The following DLX5 variants were observed in gnomAD, a reference collection of about 807,000 sequenced individuals.
DLX5 encodes distal-less homeobox 5, also known as homeobox protein DLX-5.
A neutral mutation model predicts 27.1 loss-of-function variants in DLX5; 8 were observed. That is an observed-to-expected ratio of 0.30 (90% CI 0.17 to 0.53). DLX5 has a LOEUF of 0.53. Ranked by LOEUF, DLX5 falls within the 20% of genes least tolerant of loss-of-function variation. The pLI is 0.95. For synonymous variants in DLX5, 178 were observed against 161.9 expected (o/e 1.10, Z -0.75); for missense variants, 339 against 375.1 (o/e 0.90, Z 0.80).
rs1286834642 is a variant in DLX5 at position 97,024,634 on chromosome 7, C to A, written c.-11G>T. ...AAACACTCCTGTCATCGCTCACGGG[C>A]GGCGGCAGCGGCTGTCCTTGCTGTT... On this transcript the variant is annotated 5_prime_UTR_variant, in exon 1 of 3. Transcript: ENST00000648378. The surrounding 1 kb of genome is among the most constrained non-coding windows in gnomAD (Gnocchi z 4.6). The A allele has an allele frequency of 6.4e-7, 1 of 1,574,314 alleles. No individual in the cohort carries two copies. The highest frequency in any genetic ancestry group is 8.6e-7 in the Non-Finnish European group (1 of 1,157,634).
rs1790131685 is a variant in DLX5 at position 97,024,024 on chromosome 7, A to T, written c.355+245T>A. 6.6e-6 allele frequency among the ~76,000 whole-genome samples: 1 copy of T among 152,174 alleles called. No homozygotes were observed. Among genetic ancestry groups the T allele is most frequent in the Non-Finnish European group, 1.5e-5 (1 of 68,040 alleles). ...GGGCAAGCTGGGAATTCAGCGACTG[A>T]AGGGCCTTGGAAGGTGCCGGAGGGG... is the stretch of plus-strand genomic sequence containing the variant. On this transcript the variant is annotated intron_variant, in intron 1 of 2. Coordinates refer to ENST00000648378, the MANE Select transcript of DLX5 (RefSeq NM_005221.6). The surrounding 1 kb of genome is among the most constrained non-coding windows in gnomAD (Gnocchi z 4.6).
intron 2 of DLX5, among the ~76,000 whole-genome samples, chr7:97,021,580 C>T (rs1584165520): frequency 6.6e-6 from 1 of 152,192 alleles, no homozygotes; most frequent in South Asian, 2.1e-4. Context: ...CAGCTCTTGG[C>T]GGCGACTCGA....
chr7:97,020,535 T>A lies in DLX5; in HGVS notation c.*201A>T, dbSNP rs950215549. The A allele has an allele frequency of 1.1e-5, 5 of 470,596 alleles. No homozygotes were observed. The highest frequency in any genetic ancestry group is 3.9e-5 in the African/African-American group (2 of 51,286). The allele number at this position is 470,596 out of a possible 1,614,324, so 29.2% of individuals were successfully genotyped here. A position where few individuals can be genotyped will look rare whatever the true frequency, so the allele number is the denominator to read the frequency against. On this transcript the variant is annotated 3_prime_UTR_variant, in exon 3 of 3. Transcript: ENST00000648378. ...ATAGATTTCAAGGCACCATTGAAAG[T>A]GTCCACAGTTGCGCAAAAAAAGTCC...
chr7:97,021,145 A>C, intron 2 of DLX5, 80 bp from the exon 3 acceptor site: 1 of 1,367,602 alleles, frequency 7.3e-7, no homozygotes, highest in Non-Finnish European at 1.0e-6. Flanking sequence ...GACTGGAGGC[A>C]TCTTCGGACC....
Position 97,024,631 on chromosome 7 carries a change from G to GGGCGGC in DLX5, c.-14_-9dup. On this transcript the variant is annotated 5_prime_UTR_variant, in exon 1 of 3. Transcript: ENST00000648378. The surrounding 1 kb of genome is among the most constrained non-coding windows in gnomAD (Gnocchi z 4.6). ...GTCAAACACTCCTGTCATCGCTCAC[G>GGGCGGC]GGCGGCGGCAGCGGCTGTCCTTGCT... 3 of 1,579,782 alleles carry GGGCGGC rather than the reference G, an allele frequency of 1.9e-6. No individual in the cohort carries two copies. The highest frequency in any genetic ancestry group is 2.6e-6 in the Non-Finnish European group (3 of 1,160,668).
intron 1 of DLX5, among the ~76,000 whole-genome samples, chr7:97,023,917 T>C (rs1790129864): frequency 6.6e-6 from 1 of 152,096 alleles, no homozygotes; most frequent in Non-Finnish European, 1.5e-5. Context: ...AACCTTCTCT[T>C]TGTTACGCAA....
At chr7:97,022,411 C>T (rs1245820163) in intron 1 of DLX5, 42 bp from the exon 2 acceptor site, 1 of 1,607,946 alleles carries the variant, frequency 6.2e-7, no homozygotes, top group East Asian at 2.2e-5. Context: ...TGTCACCAGA[C>T]AATGCCCCTT....
In DLX5 at chr7:97,023,337, GGTGTGTGTGTGTGTGT is replaced by G. The variant is rs10525881; in HGVS notation, c.355+916_355+931del. On this transcript the variant is annotated intron_variant, in intron 1 of 2. Coordinates refer to ENST00000648378, the MANE Select transcript of DLX5 (RefSeq NM_005221.6). ...TGGAACTGACGGAGAACCTCTCCAG[GGTGTGTGTGTGTGTGT>G]GTGTGTGTGTGTGTGTGTGTGTCAA... Among the ~76,000 whole-genome samples, 63 of 145,508 alleles carry G rather than the reference GGTGTGTGTGTGTGTGT, an allele frequency of 4.3e-4. 1 individual carries two copies. Among genetic ancestry groups the G allele is most frequent in the Middle Eastern group, 7.0e-3 (2 of 286 alleles).
At position 97,020,681 on chromosome 7, in the gene DLX5, C is replaced by G; in HGVS notation, c.*55G>C. The G allele has an allele frequency of 6.9e-7, 1 of 1,449,518 alleles. No homozygotes were observed. The highest frequency in any genetic ancestry group is 9.2e-7 in the Non-Finnish European group (1 of 1,089,186). The allele number at this position is 1,449,518 out of a possible 1,614,324, so 89.8% of individuals were successfully genotyped here. ...TATGAATTCCTTTCTTTATGATTTT[C>G]TAGAACAGCAAAACACAGTAGTCCC... is the stretch of plus-strand genomic sequence containing the variant. On this transcript the variant is annotated 3_prime_UTR_variant, in exon 3 of 3. Transcript: ENST00000648378.
chr7:97,022,472 C>A (rs1178263098), intron 1 of DLX5, 103 bp from the exon 2 acceptor site: 2 of 1,547,520 alleles, frequency 1.3e-6, no homozygotes, highest in East Asian at 4.5e-5. Flanking sequence ...ACTCAGTCTT[C>A]ATTCTTTGCC....
rs1401715259 is a variant in DLX5, at chr7:97,020,525, C to T, written c.*211G>A. The T allele has an allele frequency of 1.3e-5, 6 of 451,934 alleles. No individual in the cohort carries two copies. Among genetic ancestry groups the T allele is most frequent in the African/African-American group, 9.9e-5 (5 of 50,710 alleles). The allele number at this position is 451,934 out of a possible 1,614,324, so 28.0% of individuals were successfully genotyped here. On this transcript the variant is annotated 3_prime_UTR_variant, in exon 3 of 3. Coordinates refer to ENST00000648378, the MANE Select transcript of DLX5 (RefSeq NM_005221.6). ...AGTTGAGGTCATAGATTTCAAGGCA[C>T]CATTGAAAGTGTCCACAGTTGCGCA...
In DLX5 at chr7:97,020,601, A is replaced by G; in HGVS notation, c.*135T>C. On this transcript the variant is annotated 3_prime_UTR_variant, in exon 3 of 3. Coordinates refer to ENST00000648378, the MANE Select transcript of DLX5 (RefSeq NM_005221.6). ...GGGGTCTTTTGAAATGCAATAACTTACATGCAAAAAAAAGCTTTACACATG... is the reference window on the plus strand; with the variant it reads ...GGGGTCTTTTGAAATGCAATAACTTGCATGCAAAAAAAAGCTTTACACATG... 1 of 918,514 alleles carries G rather than the reference A, an allele frequency of 1.1e-6. No individual in the cohort carries two copies. Among genetic ancestry groups the G allele is most frequent in the Non-Finnish European group, 1.5e-6 (1 of 662,320 alleles). The allele number at this position is 918,514 out of a possible 1,614,324, so 56.9% of individuals were successfully genotyped here.
At chr7:97,021,543 C>T (rs924498531) in intron 2 of DLX5, among the ~76,000 whole-genome samples, 4 of 152,242 alleles carry the variant, frequency 2.6e-5, no homozygotes, top group Non-Finnish European at 5.9e-5. Flanking sequence ...ACTCCCTCTG[C>T]AGCTCAGAGA....
At chr7:97,021,164 G>T in intron 2 of DLX5, 99 bp from the exon 3 acceptor site, 1 of 1,131,110 alleles carries the variant, frequency 8.8e-7, no homozygotes, top group Non-Finnish European at 1.2e-6. Flanking sequence ...CCTCTGGGCG[G>T]CCCAGCCCTG....
At position 97,020,571 on chromosome 7, in the gene DLX5, A is replaced by AC; in HGVS notation, c.*164_*165insG. ...GCGCAAAAAAAGTCCTCTGTAAAAA[A>AC]AGGGGGGGTCTTTTGAAATGCAATA... On this transcript the variant is annotated 3_prime_UTR_variant, in exon 3 of 3. Transcript: ENST00000648378. The AC allele has an allele frequency of 1.4e-6, 1 of 691,420 alleles. No homozygotes were observed. 42.8% of individuals were successfully genotyped at this position (691,420 alleles called of 1,614,324 possible).
chr7:97,021,792 A>T (rs1199938502), intron 2 of DLX5, among the ~76,000 whole-genome samples: 1 of 152,082 alleles, frequency 6.6e-6, no homozygotes, highest in East Asian at 1.9e-4. Context: ...TTAGCCTGAG[A>T]CCACCGCGAG....
intron 1 of DLX5, among the ~76,000 whole-genome samples, chr7:97,023,430 G>A (rs1790119526): frequency 6.6e-6 from 1 of 151,828 alleles, no homozygotes; most frequent in Non-Finnish European, 1.5e-5. Flanking sequence ...TTCTGCCAGA[G>A]TAGGGGATGC....
At position 97,021,991 on chromosome 7, in the gene DLX5, G is replaced by T. The variant is rs1584165908; in HGVS notation, c.540+194C>A. ...GCGCGGTTAGTGGGAGGTATCTCCA[G>T]ACCGCTGATGAATACCATCCCCACC... On this transcript the variant is annotated intron_variant, in intron 2 of 2. Transcript: ENST00000648378. 8 of 672,180 alleles carry T rather than the reference G, an allele frequency of 1.2e-5. No individual in the cohort carries two copies. The East Asian group carries it at 1.9e-4, about 16-fold the overall frequency. 41.6% of individuals were successfully genotyped at this position (672,180 alleles called of 1,614,324 possible). A position where few individuals can be genotyped will look rare whatever the true frequency, so the allele number is the denominator to read the frequency against.
At chr7:97,021,842 G>A in intron 2 of DLX5, 1 of 556,416 alleles carries the variant, frequency 1.8e-6, no homozygotes, top group Non-Finnish European at 3.2e-6. Context: ...GCTCTACATT[G>A]TTAAGAAAAC....
Sources: gnomAD v4.1 joint callset for allele counts (sites outside exome capture counted in the v4.1 genomes callset) on GRCh38, gnomAD v4.1.1 for gene constraint, Gnocchi (gnomAD v3.1) non-coding constraint, MANE v1.5 for transcripts, NCBI Gene and HGNC (gene_info 2026-07-23, HGNC 2026-07-21) for gene names.